Variants in KCNA2 observed in about 807,000 individuals in gnomAD.
KCNA2 encodes the protein potassium voltage-gated channel subfamily A member 2, also known as potassium channel, voltage gated shaker related subfamily A, member 2.
KCNA2 carries 11 observed loss-of-function variants against 33.4 expected under a neutral mutation model. The observed-to-expected ratio is 0.33, with a 90% confidence interval of 0.21 to 0.55. The LOEUF (loss-of-function observed/expected upper bound fraction) is 0.55. Ranked by LOEUF, KCNA2 falls within the 20% of genes least tolerant of loss-of-function variation. KCNA2 has a pLI of 0.93. For synonymous variants in KCNA2, 222 were observed against 231.3 expected (o/e 0.96, Z 0.37); for missense variants, 291 against 621.6 (o/e 0.47, Z 5.66).
chr1:110,594,792 CT>C lies in KCNA2; in HGVS notation c.*8490del. The C allele has an allele frequency of 2.0e-6, 2 of 985,564 alleles. No individual in the cohort carries two copies. Among genetic ancestry groups the C allele is most frequent in the Non-Finnish European group, 2.4e-6 (2 of 830,040 alleles). The allele number at this position is 985,564 out of a possible 1,614,324, so 61.1% of individuals were successfully genotyped here. ...AAAGCCAGCCAGGCCTCTCTTCTTG[CT>C]TTTCTATCCCATTTCTTAGCCTGGA... On this transcript the variant is annotated 3_prime_UTR_variant, in exon 3 of 3. Transcript: ENST00000316361.
At chr1:110,622,606 C>A (rs1276387520) in intron 1 of KCNA2, among the ~76,000 whole-genome samples, 1 of 151,876 alleles carries the variant, frequency 6.6e-6, no homozygotes, top group Non-Finnish European at 1.5e-5. Flanking sequence ...TGGAATCTAC[C>A]AAAAGAGCTA....
intron 1 of KCNA2, among the ~76,000 whole-genome samples, chr1:110,614,019 A>G (rs1315992579): frequency 1.3e-5 from 2 of 152,072 alleles, no homozygotes; most frequent in Non-Finnish European, 1.5e-5. Context: ...TAACTTTTCA[A>G]TTGCCTTTTG....
intron 1 of KCNA2, among the ~76,000 whole-genome samples, chr1:110,622,877 T>C (rs1650295755): frequency 6.6e-6 from 1 of 152,188 alleles, no homozygotes; most frequent in African/African-American, 2.4e-5. Context: ...GGTCAGAAGA[T>C]AATATTGTCA....
At position 110,596,715 on chromosome 1, in the gene KCNA2, A is replaced by C; in HGVS notation, c.*6568T>G. 1.0e-6 allele frequency: 1 copy of C among 984,750 alleles called. No individual in the cohort carries two copies. Among genetic ancestry groups the C allele is most frequent in the Non-Finnish European group, 1.2e-6 (1 of 829,274 alleles). The allele number at this position is 984,750 out of a possible 1,614,324, so 61.0% of individuals were successfully genotyped here. On this transcript the variant is annotated 3_prime_UTR_variant, in exon 3 of 3. Coordinates refer to ENST00000316361, the MANE Select transcript of KCNA2 (RefSeq NM_004974.4). The stretch of plus-strand genomic sequence containing the variant: ...TAGGAAATATTTTTCTCAATAACAA[A>C]GGTTGAACCAGACATGCTTTCCCAT...
chr1:110,608,156 T>A (rs1262864975), upstream of KCNA2: 1 of 152,248 alleles, frequency 6.6e-6, no homozygotes, highest in African/African-American at 2.4e-5. Flanking sequence ...AACTTAGGAG[T>A]GCAGCTTACA....
At position 110,600,099 on chromosome 1, in the gene KCNA2, A is replaced by T; in HGVS notation, c.*3184T>A. The T allele has an allele frequency of 1.0e-6, 1 of 985,006 alleles. No homozygotes were observed. The highest frequency in any genetic ancestry group is 1.2e-6 in the Non-Finnish European group (1 of 829,854). The allele number at this position is 985,006 out of a possible 1,614,324, so 61.0% of individuals were successfully genotyped here. A position where few individuals can be genotyped will look rare whatever the true frequency, so the allele number is the denominator to read the frequency against. On this transcript the variant is annotated 3_prime_UTR_variant, in exon 3 of 3. Transcript: ENST00000316361. ...CCTTGAAAGATCCTGGGGGATATAG[A>T]CACAGGCCAGGCAAAGGTGATTACA...
chr1:110,604,137 T>G lies in KCNA2; in HGVS notation c.646A>C (p.Thr216Pro), dbSNP rs775188956. 1 of 1,614,094 alleles carries G rather than the reference T, an allele frequency of 6.2e-7. No homozygotes were observed. The highest frequency in any genetic ancestry group is 1.7e-5 in the Admixed American group (1 of 60,004). ...ATGAAGAAAGGGTCTGTGAAGGAAG[T>G]GGACTGCTGGTACCCGATGGTGCTG... ...SNSTIGYQQS[T>P]SFTDPFFIVE... The change falls in exon 3 of 3, where the codon ACT (threonine) becomes CCT (proline). Residue 216 changes from threonine to proline, a missense_variant. By Grantham distance (38) the Thr-to-Pro change is conservative. Transcript: ENST00000316361. The surrounding 1 kb of genome is among the most constrained non-coding windows in gnomAD (Gnocchi z 7.6).
Position 110,599,547 on chromosome 1 carries a change from G to A in KCNA2, c.*3736C>T, listed in dbSNP as rs1300211000. 2 of 985,338 alleles carry A rather than the reference G, an allele frequency of 2.0e-6. No homozygotes were observed. The highest frequency in any genetic ancestry group is 1.2e-6 in the Non-Finnish European group (1 of 829,952). The allele number at this position is 985,338 out of a possible 1,614,324, so 61.0% of individuals were successfully genotyped here. A position where few individuals can be genotyped will look rare whatever the true frequency, so the allele number is the denominator to read the frequency against. On this transcript the variant is annotated 3_prime_UTR_variant, in exon 3 of 3. Coordinates refer to ENST00000316361, the MANE Select transcript of KCNA2 (RefSeq NM_004974.4). ...TTGGCCCCTTTGGGCTTATGCACAA[G>A]AGCAAGTGAAATGCCACAAGCAAGT...
In KCNA2 at chr1:110,602,676, G is replaced by A; in HGVS notation, c.*607C>T. On this transcript the variant is annotated 3_prime_UTR_variant, in exon 3 of 3. Transcript: ENST00000316361. ...CCCGGGCTTCCCTCACATCGACACT[G>A]CAGAGAAAAAGCAGAATGCAGCATT... 1.0e-6 allele frequency: 1 copy of A among 994,156 alleles called. No individual in the cohort carries two copies. The highest frequency in any genetic ancestry group is 1.2e-6 in the Non-Finnish European group (1 of 835,634). The allele number at this position is 994,156 out of a possible 1,614,324, so 61.6% of individuals were successfully genotyped here.
chr1:110,598,476 T>A lies in KCNA2; in HGVS notation c.*4807A>T. On this transcript the variant is annotated 3_prime_UTR_variant, in exon 3 of 3. Coordinates refer to ENST00000316361, the MANE Select transcript of KCNA2 (RefSeq NM_004974.4). ...AGGAGCTTCAGAGGGTGCTGTCCTC[T>A]CTCCACATGGGTTGATACTGATAGA... The A allele has an allele frequency of 1.0e-6, 1 of 985,304 alleles. No homozygotes were observed. Among genetic ancestry groups the A allele is most frequent in the Non-Finnish European group, 1.2e-6 (1 of 829,934 alleles). The allele number at this position is 985,304 out of a possible 1,614,324, so 61.0% of individuals were successfully genotyped here.
At position 110,604,060 on chromosome 1, in the gene KCNA2, G is replaced by T. The variant is rs1649482065; in HGVS notation, c.723C>A (p.Phe241Leu). The stretch of plus-strand genomic sequence containing the variant: ...AGCCGGCTTTGCTGGGACAGGCAAA[G>T]AACCTCACCAAGAATTCAAAGGAGA... Reference protein sequence around the residue: ...IWFSFEFLVRFFACPSKAGFF... With the variant: ...IWFSFEFLVRLFACPSKAGFF... The change falls in exon 3 of 3, where the codon TTC (phenylalanine) becomes TTA (leucine). Residue 241 changes from phenylalanine to leucine, a missense_variant. Phe to Leu is a conservative substitution (Grantham distance 22, BLOSUM62 0). This residue lies in a region of KCNA2 where 43 missense variants were observed against 159.4 expected (regional missense o/e 0.27). Coordinates refer to ENST00000316361, the MANE Select transcript of KCNA2 (RefSeq NM_004974.4). This position sits in a 1 kb window ranked among gnomAD's most constrained non-coding sequence, Gnocchi z 7.6. The T allele has an allele frequency of 6.2e-7, 1 of 1,614,082 alleles. No individual in the cohort carries two copies. Among genetic ancestry groups the T allele is most frequent in the Non-Finnish European group, 8.5e-7 (1 of 1,180,050 alleles).
intron 1 of KCNA2, among the ~76,000 whole-genome samples, chr1:110,616,369 C>T (rs1650066823): frequency 1.3e-5 from 2 of 152,134 alleles, no homozygotes; most frequent in East Asian, 1.9e-4. Flanking sequence ...TGTGGGACAG[C>T]GGGGTAGAGG....
Position 110,600,923 on chromosome 1 carries a change from G to A in KCNA2, c.*2360C>T, listed in dbSNP as rs1333036438. ...AACTGTAGGTGCTAACTAGGCAGCA[G>A]TGAGGCCTGGGCTGGAGCCACCCCT... On this transcript the variant is annotated 3_prime_UTR_variant, in exon 3 of 3. Coordinates refer to ENST00000316361, the MANE Select transcript of KCNA2 (RefSeq NM_004974.4). 1.0e-6 allele frequency: 1 copy of A among 985,404 alleles called. No homozygotes were observed. Among genetic ancestry groups the A allele is most frequent in the East Asian group, 1.1e-4 (1 of 8,834 alleles). The allele number at this position is 985,404 out of a possible 1,614,324, so 61.0% of individuals were successfully genotyped here. A position where few individuals can be genotyped will look rare whatever the true frequency, so the allele number is the denominator to read the frequency against.
In KCNA2 at chr1:110,603,912, C is replaced by A; in HGVS notation, c.871G>T (p.Ala291Ser). The change falls in exon 3 of 3, where the codon GCC (alanine) becomes TCC (serine). Residue 291 changes from alanine (A) to serine (S), a missense_variant. Coordinates refer to ENST00000316361, the MANE Select transcript of KCNA2 (RefSeq NM_004974.4). This position sits in a 1 kb window ranked among gnomAD's most constrained non-coding sequence, Gnocchi z 5.7. Reference protein sequence around the residue: ...AQQGQQAMSLAILRVIRLVRV... With the variant: ...AQQGQQAMSLSILRVIRLVRV... ...ACCAACCGGATGACACGGAGGATGG[C>A]CAGTGACATGGCCTGCTGGCCTTGC... The A allele has an allele frequency of 6.2e-7, 1 of 1,614,196 alleles. No homozygotes were observed. The highest frequency in any genetic ancestry group is 8.5e-7 in the Non-Finnish European group (1 of 1,180,028).
In KCNA2 at chr1:110,602,632, T is replaced by A. The variant is rs2101390902; in HGVS notation, c.*651A>T. ...GTGAAACTTGACAACTCATATTCGGTCATACTAACTGTCCCTCCCCCGGGC... is the reference window on the plus strand; with the variant it reads ...GTGAAACTTGACAACTCATATTCGGACATACTAACTGTCCCTCCCCCGGGC... On this transcript the variant is annotated 3_prime_UTR_variant, in exon 3 of 3. Coordinates refer to ENST00000316361, the MANE Select transcript of KCNA2 (RefSeq NM_004974.4). The A allele has an allele frequency of 1.0e-6, 1 of 996,450 alleles. No homozygotes were observed. 61.7% of individuals were successfully genotyped at this position (996,450 alleles called of 1,614,324 possible).
At chr1:110,619,521 GGGC>G (rs1650179497) in intron 1 of KCNA2, among the ~76,000 whole-genome samples, 1 of 152,252 alleles carries the variant, frequency 6.6e-6, no homozygotes, top group Admixed American at 6.5e-5. Flanking sequence ...GGCCGCCAGG[GGGC>G]GCCACATGCA....
At position 110,594,308 on chromosome 1, in the gene KCNA2, C is replaced by CATATATAT. The variant is rs762498068; in HGVS notation, c.*8967_*8974dup. ...CTCTCTCTCTCTATATATATATATA[C>CATATATAT]ATATATATATATATGTGTGTGTATA... is the stretch of plus-strand genomic sequence containing the variant. On this transcript the variant is annotated 3_prime_UTR_variant, in exon 3 of 3. Transcript: ENST00000316361. 12,039 of 716,452 alleles carry CATATATAT rather than the reference C, an allele frequency of 0.017. 307 individuals carry two copies. The highest frequency in any genetic ancestry group is 0.12 in the African/African-American group (5,523 of 46,464). 44.4% of individuals were successfully genotyped at this position (716,452 alleles called of 1,614,324 possible).
intron 1 of KCNA2, among the ~76,000 whole-genome samples, chr1:110,624,578 T>C (rs1650344170): frequency 6.6e-6 from 1 of 152,212 alleles, no homozygotes; most frequent in African/African-American, 2.4e-5. Flanking sequence ...ATACTTAGTC[T>C]AAAAATGAAT....
chr1:110,622,874 A>G (rs1426818096), intron 1 of KCNA2, among the ~76,000 whole-genome samples: 1 of 152,206 alleles, frequency 6.6e-6, no homozygotes, highest in Non-Finnish European at 1.5e-5. Context: ...CAAGGTCAGA[A>G]GATAATATTG....
Sources: allele counts gnomAD v4.1 joint callset (sites outside exome capture counted in the v4.1 genomes callset), GRCh38; gene constraint gnomAD v4.1.1; regional missense constraint gnomAD v4.1.1; non-coding constraint Gnocchi (gnomAD v3.1); transcripts MANE v1.5; gene names NCBI Gene and HGNC (gene_info 2026-07-23, HGNC 2026-07-21).